The following SVEP1 variants were observed in gnomAD, a reference collection of about 807,000 sequenced individuals.
SVEP1 encodes the protein sushi, von Willebrand factor type A, EGF and pentraxin domain containing 1, also known as sushi, von Willebrand factor type A, EGF and pentraxin domain-containing protein 1.
In SVEP1, 164 loss-of-function variants were observed where a neutral mutation model predicts 367.3. The ratio of observed to expected loss-of-function variants is 0.45; its 90% CI spans 0.39 to 0.51. SVEP1 has a LOEUF of 0.51. Ranked by LOEUF, SVEP1 falls within the 20% of genes least tolerant of loss-of-function variation. The probability of loss-of-function intolerance (pLI) is 0.00; values close to 1 mark genes in which losing one functional copy is unlikely to be tolerated. For synonymous variants in SVEP1, 1,666 were observed against 1,611.6 expected, an observed-to-expected ratio of 1.03 and a Z score of -0.81; for missense variants, 4,117 against 4,425.3, an observed-to-expected ratio of 0.93 and a Z score of 1.98.
intron 1 of SVEP1, among the ~76,000 whole-genome samples, chr9:110,569,456 CAAAA>C (rs11368565): frequency 2.6e-5 from 3 of 116,922 alleles, no homozygotes; most frequent in Non-Finnish European, 5.4e-5. Context: ...AACTCAGTCT[CAAAA>C]AAAAAAAAAA....
At chr9:110,566,112 G>GT (rs1305381380) in intron 1 of SVEP1, among the ~76,000 whole-genome samples, 1 of 151,994 alleles carries the variant, frequency 6.6e-6, no homozygotes, top group African/African-American at 2.4e-5. Context: ...TGAGCCAGGA[G>GT]TTTGAGACCA....
Position 110,434,650 on chromosome 9 carries a change from T to C in SVEP1, c.4889-144A>G, listed in dbSNP as rs897363025. On this transcript the variant is annotated intron_variant, in intron 29 of 47. Transcript: ENST00000374469. The stretch of plus-strand genomic sequence containing the variant: ...ACAAGTTAACATGTAACCAGATCAC[T>C]GGCAAGCAAAATCACTAAAAAAAAA... 9 of 70,140 alleles carry C rather than the reference T, an allele frequency of 1.3e-4. 1 individual carries two copies. The highest frequency in any genetic ancestry group is 6.4e-4 in the South Asian group (1 of 1,558). The allele number at this position is 70,140 out of a possible 1,614,324, so 4.3% of individuals were successfully genotyped here. A position where few individuals can be genotyped will look rare whatever the true frequency, so the allele number is the denominator to read the frequency against.
At chr9:110,496,065 T>C (rs1035561630) in intron 8 of SVEP1, among the ~76,000 whole-genome samples, 9 of 152,088 alleles carry the variant, frequency 5.9e-5, no homozygotes, top group Admixed American at 5.9e-4. Flanking sequence ...GAATGAAAAG[T>C]TTCTGGTTTT....
intron 27 of SVEP1, among the ~76,000 whole-genome samples, chr9:110,437,098 G>T (rs1298837975): frequency 6.6e-6 from 1 of 152,076 alleles, no homozygotes; most frequent in Non-Finnish European, 1.5e-5. Flanking sequence ...TCAGCTTTGT[G>T]TCCCAAAGGT....
chr9:110,492,845 C>G (rs1829389495), intron 8 of SVEP1, among the ~76,000 whole-genome samples: 1 of 152,098 alleles, frequency 6.6e-6, no homozygotes, highest in Non-Finnish European at 1.5e-5. Flanking sequence ...TCCATAGATT[C>G]ACCCCAATGT....
intron 38 of SVEP1, among the ~76,000 whole-genome samples, chr9:110,405,436 T>C (rs1166166265): frequency 6.6e-6 from 1 of 151,656 alleles, no homozygotes; most frequent in African/African-American, 2.4e-5. Flanking sequence ...GTATTATGAA[T>C]ACCTACGTGG....
chr9:110,452,305 ATTTAT>A (rs1828705818), intron 22 of SVEP1, among the ~76,000 whole-genome samples: 1 of 152,214 alleles, frequency 6.6e-6, no homozygotes, highest in Non-Finnish European at 1.5e-5. Flanking sequence ...GTAAATGTAT[ATTTAT>A]TTTATTTAGA....
In SVEP1 at chr9:110,406,986, C is replaced by T; in HGVS notation, c.8614G>A (p.Val2872Ile). 1.2e-6 allele frequency: 2 copies of T among 1,613,964 alleles called. No individual in the cohort carries two copies. The highest frequency in any genetic ancestry group is 4.5e-5 in the East Asian group (2 of 44,868). The change falls in exon 38 of 48, where the codon GTT (valine) becomes ATT (isoleucine). Residue 2872 changes from valine to isoleucine, a missense_variant. Transcript: ENST00000374469. ...CTCCAACTTCCATTGGCAAGACAAA[C>T]CCGACTCCTGGCTCCCTCAAGCAAG... Reference protein sequence around the residue: ...GFLLEGARSRVCLANGSWSGA... With the variant: ...GFLLEGARSRICLANGSWSGA...
At chr9:110,389,966 A>G (rs1332040172) in intron 40 of SVEP1, among the ~76,000 whole-genome samples, 2 of 148,666 alleles carry the variant, frequency 1.3e-5, no homozygotes, top group South Asian at 2.1e-4. Context: ...CACATACACA[A>G]TAGAGTACTA....
In SVEP1 at chr9:110,499,151, A is replaced by T. The variant is rs1237859681; in HGVS notation, c.1571T>A (p.Ile524Asn). ...CCCTTGGCGGCAACTTACATAGCAGATCGTCCCAAATTTGGCTGGCTGCTT... is the reference window on the plus strand; with the variant it reads ...CCCTTGGCGGCAACTTACATAGCAGTTCGTCCCAAATTTGGCTGGCTGCTT... ...CGKQPAKFGT[I>N]CYVSCRQGFI... The change falls in exon 7 of 48, where the codon ATC (isoleucine) becomes AAC (asparagine). Residue 524 changes from isoleucine to asparagine, a missense_variant. Coordinates refer to ENST00000374469, the MANE Select transcript of SVEP1 (RefSeq NM_153366.4). The T allele has an allele frequency of 6.2e-7, 1 of 1,613,770 alleles. No homozygotes were observed. Among genetic ancestry groups the T allele is most frequent in the East Asian group, 2.2e-5 (1 of 44,874 alleles).
intron 5 of SVEP1, among the ~76,000 whole-genome samples, chr9:110,503,896 C>A (rs1286778054): frequency 2.0e-5 from 3 of 152,154 alleles, no homozygotes; most frequent in Non-Finnish European, 2.9e-5. Context: ...GCCATTCTCA[C>A]CAGTTTTATT....
intron 27 of SVEP1, among the ~76,000 whole-genome samples, chr9:110,439,820 T>G (rs1828487139): frequency 6.6e-6 from 1 of 152,222 alleles, no homozygotes; most frequent in African/African-American, 2.4e-5. Context: ...TCAAACATCC[T>G]GGCCATCCTT....
At chr9:110,432,978 A>G (rs1303183791) in intron 30 of SVEP1, among the ~76,000 whole-genome samples, 1 of 152,274 alleles carries the variant, frequency 6.6e-6, no homozygotes, top group South Asian at 2.1e-4. Context: ...CAGATCCCTC[A>G]TGGCTTGGTG....
At chr9:110,560,307 T>C (rs1307937232) in intron 1 of SVEP1, among the ~76,000 whole-genome samples, 1 of 152,188 alleles carries the variant, frequency 6.6e-6, no homozygotes, top group Non-Finnish European at 1.5e-5. Context: ...CAGTCTGTGA[T>C]ATTCACACAA....
In SVEP1 at chr9:110,503,090, C is replaced by A; in HGVS notation, c.1431G>T (p.Lys477Asn). ...ACTGGCTGTTTCCTTGACAAGTAAG[C>A]TTATCACTGCCTTCTAGTCTGTACC... Reference protein sequence around the residue: ...DEGYRLEGSDKLTCQGNSQWD... With the variant: ...DEGYRLEGSDNLTCQGNSQWD... Residue 477 changes from lysine to asparagine, a missense_variant, in exon 6 of 48, where the codon AAG becomes AAT. Transcript: ENST00000374469. 6.2e-7 allele frequency: 1 copy of A among 1,610,338 alleles called. No homozygotes were observed. The highest frequency in any genetic ancestry group is 8.5e-7 in the Non-Finnish European group (1 of 1,177,222).
At chr9:110,559,832 T>C (rs981889836) in intron 1 of SVEP1, among the ~76,000 whole-genome samples, 1 of 152,088 alleles carries the variant, frequency 6.6e-6, no homozygotes, top group African/African-American at 2.4e-5. Context: ...ACAAGCACAC[T>C]AGTTAAATAA....
chr9:110,403,293 G>A (rs1212399990), intron 39 of SVEP1, among the ~76,000 whole-genome samples: 4 of 75,186 alleles, frequency 5.3e-5, no homozygotes, highest in Admixed American at 1.5e-4. Flanking sequence ...CCCCGCCACC[G>A]CCGTTTTTTT....
rs74944447 is a variant in SVEP1, at chr9:110,518,530, C to T, written c.965-4424G>A. On this transcript the variant is annotated intron_variant, in intron 3 of 47. Coordinates refer to ENST00000374469, the MANE Select transcript of SVEP1 (RefSeq NM_153366.4). ...CATCTTGCTCTTTAACCAGGCTGCG[C>T]TCAAACTCTCAAACCTCCCACCTCA... Among the ~76,000 whole-genome samples the T allele has an allele frequency of 9.0e-3, 1,371 of 152,176 alleles. 10 individuals are homozygous for T. Among genetic ancestry groups the T allele is most frequent in the Non-Finnish European group, 0.013 (907 of 67,994 alleles).
Position 110,406,458 on chromosome 9 carries a change from C to T in SVEP1, c.9142G>A (p.Ala3048Thr). 5 of 1,614,018 alleles carry T rather than the reference C, an allele frequency of 3.1e-6. No individual in the cohort carries two copies. The highest frequency in any genetic ancestry group is 4.2e-6 in the Non-Finnish European group (5 of 1,179,898). ...AACCCAGAGCTCCACTGGCCATCGG[C>T]TTCACAGGTGATTTCAGAAAGTCCT... ...LLGLSEITCE[A>T]DGQWSSGFPH... The change falls in exon 38 of 48, where the codon GCC becomes ACC. Residue 3048 changes from alanine (A) to threonine (T), a missense_variant. Ala to Thr is a moderately conservative substitution (Grantham distance 58, BLOSUM62 0). This residue lies in a region of SVEP1 where 1,765 missense variants were observed against 1,781.1 expected (regional missense o/e 0.99). Transcript: ENST00000374469.
Sources: gnomAD v4.1 joint callset for allele counts (sites outside exome capture counted in the v4.1 genomes callset) on GRCh38, gnomAD v4.1.1 for gene constraint, gnomAD v4.1.1 regional missense constraint, MANE v1.5 for transcripts, NCBI Gene and HGNC (gene_info 2026-07-23, HGNC 2026-07-21) for gene names.